CARM1: variants seen among roughly 807,000 people sequenced by gnomAD.
The protein encoded by CARM1 is coactivator associated arginine methyltransferase 1.
In CARM1, 14 loss-of-function variants were observed where a neutral mutation model predicts 72.7. The ratio of observed to expected loss-of-function variants is 0.19; its 90% confidence interval spans 0.13 to 0.30. The LOEUF (loss-of-function observed/expected upper bound fraction) is 0.30. CARM1 is among the 10% of genes least tolerant of loss of function. The pLI is 1.00. For missense variants in CARM1, 432 were observed against 833.7 expected, an observed-to-expected ratio of 0.52 and a Z score of 5.93; for synonymous variants, 333 against 345.5, an observed-to-expected ratio of 0.96 and a Z score of 0.40.
chr19:10,903,303 C>T (rs1466412796), intron 1 of CARM1, among the ~76,000 whole-genome samples: 1 of 152,134 alleles, frequency 6.6e-6, no homozygotes, highest in African/African-American at 2.4e-5. Flanking sequence ...CATGGGAATC[C>T]TCCAACTTCA....
At chr19:10,897,723 C>T (rs1686517093) in intron 1 of CARM1, among the ~76,000 whole-genome samples, 1 of 152,152 alleles carries the variant, frequency 6.6e-6, no homozygotes, top group African/African-American at 2.4e-5. Flanking sequence ...CACGGTGGCT[C>T]ACACCGGTGA....
chr19:10,894,371 T>G (rs528845286), intron 1 of CARM1, among the ~76,000 whole-genome samples: 1 of 152,194 alleles, frequency 6.6e-6, no homozygotes, highest in African/African-American at 2.4e-5. Flanking sequence ...AAAGCGTGTT[T>G]TTTTTTCCGT....
chr19:10,871,598 G>GGCGGCGGCGGCGGCGGCGGCT lies in CARM1; in HGVS notation c.-85_-84insTGCGGCGGCGGCGGCGGCGGC, dbSNP rs1568342708. The GGCGGCGGCGGCGGCGGCGGCT allele has an allele frequency of 1.0e-3, 72 of 71,640 alleles. No individual in the cohort carries two copies. Among genetic ancestry groups the GGCGGCGGCGGCGGCGGCGGCT allele is most frequent in the African/African-American group, 1.4e-3 (33 of 23,602 alleles). 4.4% of individuals were successfully genotyped at this position (71,640 alleles called of 1,614,324 possible). ...CGGCGGCGGTAGCGGCAGCGGCGGCGGCGGCGGCGGCGGCGGCGGCGGCGG... is the reference window on the plus strand; with the variant it reads ...CGGCGGCGGTAGCGGCAGCGGCGGCGGCGGCGGCGGCGGCGGCGGCTGCGGCGGCGGCGGCGGCGGCGGCGG... On this transcript the variant is annotated 5_prime_UTR_variant, in exon 1 of 16. Transcript: ENST00000327064. The surrounding 1 kb of genome is among the most constrained non-coding windows in gnomAD (Gnocchi z 5.6).
chr19:10,888,847 G>C (rs565772386), intron 1 of CARM1, among the ~76,000 whole-genome samples: 7 of 152,148 alleles, frequency 4.6e-5, no homozygotes, highest in African/African-American at 7.2e-5. Flanking sequence ...TTTCAGAAAA[G>C]CCAAGCTCTT....
chr19:10,910,257 AC>A (rs1427507818), intron 4 of CARM1, among the ~76,000 whole-genome samples: 1 of 152,196 alleles, frequency 6.6e-6, no homozygotes, highest in Non-Finnish European at 1.5e-5. Flanking sequence ...CAGGTGGATC[AC>A]TTGAGGTTAG....
intron 1 of CARM1, among the ~76,000 whole-genome samples, chr19:10,893,054 A>AT (rs754764794): frequency 2.1e-5 from 3 of 143,480 alleles, no homozygotes; most frequent in Non-Finnish European, 4.5e-5. Context: ...TTATTTATTT[A>AT]TTTTTATTTT....
intron 4 of CARM1, among the ~76,000 whole-genome samples, chr19:10,909,478 G>A (rs911693943): frequency 6.6e-6 from 1 of 151,604 alleles, no homozygotes; most frequent in Non-Finnish European, 1.5e-5. Flanking sequence ...GCTCACGCCT[G>A]TAATCCCAGC....
intron 2 of CARM1, among the ~76,000 whole-genome samples, chr19:10,905,820 T>C (rs1259800337): frequency 1.3e-5 from 2 of 152,152 alleles, no homozygotes; most frequent in Admixed American, 6.6e-5. Flanking sequence ...GGCTAATTTT[T>C]TGTAGAGATG....
chr19:10,899,220 C>T (rs2074046252), intron 1 of CARM1, among the ~76,000 whole-genome samples: 1 of 152,204 alleles, frequency 6.6e-6, no homozygotes, highest in Admixed American at 6.5e-5. Flanking sequence ...CCAGCCCTAG[C>T]CCTGGCTGGG....
Position 10,912,086 on chromosome 19 carries a change from A to T in CARM1, c.559-98A>T, listed in dbSNP as rs1358981468. ...TAAAGGGCAAACATTGAGAGTGAAG[A>T]CAGACGCCTCATGATGTGCACATCC... On this transcript the variant is annotated intron_variant, in intron 4 of 15. Coordinates refer to ENST00000327064, the MANE Select transcript of CARM1 (RefSeq NM_199141.2). This position sits in a 1 kb window ranked among gnomAD's most constrained non-coding sequence, Gnocchi z 4.5. 1.0e-5 allele frequency: 9 copies of T among 883,102 alleles called. No individual in the cohort carries two copies. The highest frequency in any genetic ancestry group is 1.6e-5 in the Non-Finnish European group (8 of 515,776). The allele number at this position is 883,102 out of a possible 1,614,324, so 54.7% of individuals were successfully genotyped here.
intron 1 of CARM1, among the ~76,000 whole-genome samples, chr19:10,900,381 C>T (rs1359940106): frequency 6.6e-6 from 1 of 152,206 alleles, no homozygotes; most frequent in African/African-American, 2.4e-5. Flanking sequence ...CCATTCCTGC[C>T]TTCTCCCAGC....
intron 4 of CARM1, among the ~76,000 whole-genome samples, chr19:10,910,834 G>T (rs183452049): frequency 2.0e-5 from 3 of 151,958 alleles, no homozygotes; most frequent in Non-Finnish European, 4.4e-5. Flanking sequence ...AAAGTGCTTG[G>T]ATTACAGGCA....
intron 1 of CARM1, among the ~76,000 whole-genome samples, chr19:10,875,495 G>A (rs368352514): frequency 1.6e-4 from 25 of 151,706 alleles, no homozygotes; most frequent in African/African-American, 5.6e-4. Context: ...CGCGATCTCC[G>A]CTTACTGCAA....
At position 10,881,779 on chromosome 19, in the gene CARM1, C is replaced by T. The variant is rs187652587; in HGVS notation, c.220+9857C>T. ...AAGTGGACTCGCCGTCTCCATAGTGCGGTAGCTCCCATCCAGCCAGCTTGA... is the reference window on the plus strand; with the variant it reads ...AAGTGGACTCGCCGTCTCCATAGTGTGGTAGCTCCCATCCAGCCAGCTTGA... On this transcript the variant is annotated intron_variant, in intron 1 of 15. Transcript: ENST00000327064. Among the ~76,000 whole-genome samples, 532 of 152,222 alleles carry T rather than the reference C, an allele frequency of 3.5e-3. 7 individuals are homozygous for T. Among genetic ancestry groups the T allele is most frequent in the Non-Finnish European group, 8.2e-4 (56 of 68,018 alleles).
At chr19:10,875,960 G>T (rs1015453485) in intron 1 of CARM1, among the ~76,000 whole-genome samples, 3 of 150,110 alleles carry the variant, frequency 2.0e-5, no homozygotes, top group East Asian at 2.0e-4. Flanking sequence ...TCTGCCTCCC[G>T]GGTTCGAGCG....
At chr19:10,898,626 G>A (rs1477624307) in intron 1 of CARM1, among the ~76,000 whole-genome samples, 1 of 152,246 alleles carries the variant, frequency 6.6e-6, no homozygotes, top group Non-Finnish European at 1.5e-5. Flanking sequence ...TTGAGAGGAT[G>A]CCACAGTGAG....
chr19:10,881,935 G>C (rs78733423), intron 1 of CARM1, among the ~76,000 whole-genome samples: 1 of 152,004 alleles, frequency 6.6e-6, no homozygotes, highest in Admixed American at 6.6e-5. Context: ...TCTGAGGAGC[G>C]CTAAATCAGC....
Position 10,885,467 on chromosome 19 carries a change from G to C in CARM1, c.220+13545G>C, listed in dbSNP as rs551886552. On this transcript the variant is annotated intron_variant, in intron 1 of 15. Coordinates refer to ENST00000327064, the MANE Select transcript of CARM1 (RefSeq NM_199141.2). Reference sequence around the variant, plus strand: ...TGCAAGCGTAGTGGTTTTATGTATAGAAAACCTGCCCAGCGGTGTGGGCAT... The same window carrying C: ...TGCAAGCGTAGTGGTTTTATGTATACAAAACCTGCCCAGCGGTGTGGGCAT... 3.3e-5 allele frequency among the ~76,000 whole-genome samples: 5 copies of C among 152,330 alleles called. No homozygotes were observed. In the South Asian group the frequency reaches 1.0e-3, roughly 32 times the overall value.
At chr19:10,917,294 G>C (rs986939515) in intron 8 of CARM1, among the ~76,000 whole-genome samples, 2 of 151,946 alleles carry the variant, frequency 1.3e-5, no homozygotes, top group African/African-American at 4.8e-5. Context: ...AGACCAACAC[G>C]GTGAAACCCC....
Sources: gnomAD v4.1 joint callset for allele counts (sites outside exome capture counted in the v4.1 genomes callset) on GRCh38, gnomAD v4.1.1 for gene constraint, Gnocchi (gnomAD v3.1) non-coding constraint, MANE v1.5 for transcripts, NCBI Gene and HGNC (gene_info 2026-07-23, HGNC 2026-07-21) for gene names.